The following CDYL2 variants were observed in gnomAD, a reference collection of about 807,000 sequenced individuals.
CDYL2 encodes the protein chromodomain Y like 2, also known as chromodomain Y-like protein 2.
A neutral mutation model predicts 49.4 loss-of-function variants in CDYL2; 23 were observed. The observed-to-expected ratio is 0.47, with a 90% CI of 0.34 to 0.66. CDYL2 has a LOEUF of 0.66. Ranked by LOEUF, CDYL2 falls within the 30% of genes least tolerant of loss-of-function variation. The probability of loss-of-function intolerance (pLI) is 0.01; values close to 1 mark genes in which losing one functional copy is unlikely to be tolerated. For synonymous variants in CDYL2, 360 were observed against 268.8 expected, an observed-to-expected ratio of 1.34 and a Z score of -3.32; for missense variants, 678 against 656.4, an observed-to-expected ratio of 1.03 and a Z score of -0.36.
At chr16:80,759,979 T>G (rs181700369) in intron 1 of CDYL2, among the ~76,000 whole-genome samples, 30 of 152,346 alleles carry the variant, frequency 2.0e-4, no homozygotes, top group African/African-American at 7.2e-4. Flanking sequence ...GTAAATTAAC[T>G]GTAGAGGCAT....
intron 3 of CDYL2, among the ~76,000 whole-genome samples, chr16:80,621,488 A>C (rs1907082530): frequency 6.6e-6 from 1 of 152,202 alleles, no homozygotes; most frequent in Non-Finnish European, 1.5e-5. Flanking sequence ...CCCTGGTCCA[A>C]ATTCTGGCTC....
At chr16:80,708,406 C>T (rs774867882) in intron 1 of CDYL2, among the ~76,000 whole-genome samples, 5 of 152,296 alleles carry the variant, frequency 3.3e-5, no homozygotes, top group Middle Eastern at 3.4e-3. Flanking sequence ...CGTGACTTTG[C>T]TCCTCCTTGC....
At chr16:80,784,014 A>C (rs1411085613) in intron 1 of CDYL2, among the ~76,000 whole-genome samples, 1 of 152,264 alleles carries the variant, frequency 6.6e-6, no homozygotes, top group African/African-American at 2.4e-5. Flanking sequence ...TGAAATGTAC[A>C]TTTGAAATGA....
chr16:80,693,273 A>T (rs1022597145), intron 1 of CDYL2, among the ~76,000 whole-genome samples: 2 of 152,222 alleles, frequency 1.3e-5, no homozygotes, highest in Non-Finnish European at 2.9e-5. Context: ...GTGTAATCAT[A>T]AATAAGTTAT....
At chr16:80,741,133 TA>T (rs1383194675) in intron 1 of CDYL2, among the ~76,000 whole-genome samples, 11 of 150,120 alleles carry the variant, frequency 7.3e-5, no homozygotes, top group African/African-American at 2.4e-4. Context: ...CCAAATTGCA[TA>T]AAAAGCCCAG....
chr16:80,652,599 T>C (rs1312642811), intron 2 of CDYL2, among the ~76,000 whole-genome samples: 1 of 152,162 alleles, frequency 6.6e-6, no homozygotes, highest in Non-Finnish European at 1.5e-5. Flanking sequence ...AAGAGCACAG[T>C]GTGTAGAGGG....
chr16:80,603,365 G>A lies in CDYL2; in HGVS notation c.*1023C>T, dbSNP rs1264022370. ...GTTTCAGGATCATTCAGGCTAAGAG[G>A]GCCCTTTAACTCCTTAAAGACAGCA... On this transcript the variant is annotated 3_prime_UTR_variant, in exon 7 of 7. Transcript: ENST00000570137. 1 of 152,090 alleles carries A rather than the reference G, an allele frequency of 6.6e-6. No individual in the cohort carries two copies. Among genetic ancestry groups the A allele is most frequent in the African/African-American group, 2.4e-5 (1 of 41,400 alleles). The allele number at this position is 152,090 out of a possible 1,614,324, so 9.4% of individuals were successfully genotyped here.
At chr16:80,643,944 G>T (rs1489907610) in intron 2 of CDYL2, among the ~76,000 whole-genome samples, 2 of 152,220 alleles carry the variant, frequency 1.3e-5, no homozygotes, top group Non-Finnish European at 2.9e-5. Context: ...TTATGCAAAT[G>T]TCTGAAGTTG....
chr16:80,642,736 A>T (rs931846284), intron 2 of CDYL2, among the ~76,000 whole-genome samples: 3 of 152,162 alleles, frequency 2.0e-5, no homozygotes, highest in Admixed American at 6.5e-5. Context: ...ACCCTTGATA[A>T]AACCATCAGA....
At chr16:80,789,648 G>T (rs1047998108) in intron 1 of CDYL2, among the ~76,000 whole-genome samples, 2 of 151,434 alleles carry the variant, frequency 1.3e-5, no homozygotes, top group Non-Finnish European at 2.9e-5. Context: ...ACTATTACAA[G>T]AGCAAAGTCA....
chr16:80,623,257 A>G (rs1407989080), intron 3 of CDYL2, among the ~76,000 whole-genome samples: 3 of 152,118 alleles, frequency 2.0e-5, no homozygotes, highest in African/African-American at 4.8e-5. Flanking sequence ...GTTGGGCACA[A>G]GCTCCACTTC....
chr16:80,709,838 G>A (rs1041577105), intron 1 of CDYL2, among the ~76,000 whole-genome samples: 1 of 151,720 alleles, frequency 6.6e-6, no homozygotes, highest in Admixed American at 6.6e-5. Flanking sequence ...TTTTTTCACT[G>A]AGCCACTGAC....
chr16:80,604,550 G>A lies in CDYL2; in HGVS notation c.1363-4C>T. The A allele has an allele frequency of 6.2e-7, 1 of 1,614,200 alleles. No homozygotes were observed. Among genetic ancestry groups the A allele is most frequent in the Non-Finnish European group, 8.5e-7 (1 of 1,180,026 alleles). Reference sequence around the variant, plus strand: ...GGCATTTGGACTCCTCTAACACCTAGAGGGAAATAGACAGGCCTGATTAGC... The same window carrying A: ...GGCATTTGGACTCCTCTAACACCTAAAGGGAAATAGACAGGCCTGATTAGC... On this transcript the variant is annotated splice_region_variant and splice_polypyrimidine_tract_variant and intron_variant, in intron 6 of 6. Coordinates refer to ENST00000570137, the MANE Select transcript of CDYL2 (RefSeq NM_152342.4).
chr16:80,768,613 T>C (rs1906806848), intron 1 of CDYL2, among the ~76,000 whole-genome samples: 1 of 152,134 alleles, frequency 6.6e-6, no homozygotes, highest in Non-Finnish European at 1.5e-5. Flanking sequence ...ACTAATCCCA[T>C]CTATGTGGGC....
At chr16:80,783,184 C>T (rs1285353007) in intron 1 of CDYL2, among the ~76,000 whole-genome samples, 1 of 152,010 alleles carries the variant, frequency 6.6e-6, no homozygotes, top group Non-Finnish European at 1.5e-5. Flanking sequence ...AAACAAACAC[C>T]TCAATTTGAA....
intron 1 of CDYL2, among the ~76,000 whole-genome samples, chr16:80,761,812 G>A (rs963068754): frequency 2.7e-5 from 4 of 149,928 alleles, no homozygotes; most frequent in Non-Finnish European, 5.9e-5. Flanking sequence ...TTGGATATTT[G>A]AAAGTTACTT....
At chr16:80,787,125 C>G (rs1907462643) in intron 1 of CDYL2, among the ~76,000 whole-genome samples, 1 of 152,026 alleles carries the variant, frequency 6.6e-6, no homozygotes, top group East Asian at 1.9e-4. Flanking sequence ...CCTTTCCAAA[C>G]AGTCGCTTTA....
intron 1 of CDYL2, among the ~76,000 whole-genome samples, chr16:80,781,049 G>C (rs1907251129): frequency 1.3e-5 from 2 of 152,112 alleles, no homozygotes. Context: ...GTAAAGCCCA[G>C]AAATAATAAG....
intron 1 of CDYL2, among the ~76,000 whole-genome samples, chr16:80,715,241 A>G (rs1427723731): frequency 6.6e-6 from 1 of 152,172 alleles, no homozygotes; most frequent in Admixed American, 6.5e-5. Flanking sequence ...GCTCCACAGC[A>G]CATGATACAG....
Sources: gnomAD v4.1 joint callset for allele counts (sites outside exome capture counted in the v4.1 genomes callset) on GRCh38, gnomAD v4.1.1 for gene constraint, MANE v1.5 for transcripts, NCBI Gene and HGNC (gene_info 2026-07-23, HGNC 2026-07-21) for gene names.